Variants in CDH4 observed in about 807,000 individuals in gnomAD.
The protein encoded by CDH4 is cadherin 4.
CDH4 carries 33 observed loss-of-function variants against 86.0 expected under a neutral mutation model. The observed-to-expected ratio is 0.38, with a 90% CI of 0.29 to 0.51. CDH4 has a LOEUF of 0.51. Among genes scored for constraint, CDH4 ranks in the 20% least tolerant of loss-of-function variants. The pLI is 0.86. For synonymous variants in CDH4, 555 were observed against 549.4 expected (o/e 1.01, Z -0.14); for missense variants, 1,114 against 1,307.4 (o/e 0.85, Z 2.28).
chr20:61,666,456 A>G (rs1223003862), intron 2 of CDH4, among the ~76,000 whole-genome samples: 1 of 152,208 alleles, frequency 6.6e-6, no homozygotes, highest in Non-Finnish European at 1.5e-5. Flanking sequence ...ACAGGCATCA[A>G]TGCTATGACT....
At chr20:61,609,747 T>C (rs1179082915) in intron 2 of CDH4, among the ~76,000 whole-genome samples, 2 of 152,246 alleles carry the variant, frequency 1.3e-5, no homozygotes, top group African/African-American at 4.8e-5. Flanking sequence ...TCTGCACATG[T>C]GCGTCTCAGC....
intron 2 of CDH4, among the ~76,000 whole-genome samples, chr20:61,424,933 G>C (rs1325273381): frequency 1.3e-5 from 2 of 152,236 alleles, no homozygotes; most frequent in African/African-American, 2.4e-5. Flanking sequence ...GGTCCATCCG[G>C]AGCCAAATTT....
intron 2 of CDH4, among the ~76,000 whole-genome samples, chr20:61,545,967 T>TAC (rs1431890781): frequency 7.6e-5 from 8 of 105,576 alleles, no homozygotes; most frequent in South Asian, 3.4e-4. Flanking sequence ...TGTTCGTGTG[T>TAC]GTGTGTGTGT....
At position 61,518,703 on chromosome 20, in the gene CDH4, T is replaced by G. The variant is rs550337079; in HGVS notation, c.170-224860T>G. 6.6e-6 allele frequency among the ~76,000 whole-genome samples: 1 copy of G among 151,782 alleles called. No individual in the cohort carries two copies. Among genetic ancestry groups the G allele is most frequent in the African/African-American group, 2.4e-5 (1 of 41,326 alleles). On this transcript the variant is annotated intron_variant, in intron 2 of 15. Coordinates refer to ENST00000614565, the MANE Select transcript of CDH4 (RefSeq NM_001794.5). This position sits in a 1 kb window ranked among gnomAD's most constrained non-coding sequence, Gnocchi z 6.3. ...ATCCATCCTTCATCTACCTATCTGT[T>G]GTTCAATCATCCATCCGTTCATCCA...
chr20:61,270,271 A>T (rs535885754), intron 2 of CDH4, among the ~76,000 whole-genome samples: 2 of 152,348 alleles, frequency 1.3e-5, no homozygotes, highest in Non-Finnish European at 2.9e-5. Context: ...GGCAGCGATG[A>T]ACTGATGGGG....
rs371756416 is a variant in CDH4 at position 61,712,050 on chromosome 20, GCTGGAGAGAGGCTTGGAGGGAGA to G, written c.170-31508_170-31486del. Among the ~76,000 whole-genome samples, 629 of 151,726 alleles carry G rather than the reference GCTGGAGAGAGGCTTGGAGGGAGA, an allele frequency of 4.1e-3. 4 individuals carry two copies. Among genetic ancestry groups the G allele is most frequent in the African/African-American group, 0.015 (605 of 41,012 alleles). ...GCAGCCTTGGCCAGGAGAGAGGGAG[GCTGGAGAGAGGCTTGGAGGGAGA>G]CTGGGTCAGCCAGACATGGTGGTGC... On this transcript the variant is annotated intron_variant, in intron 2 of 15. Transcript: ENST00000614565.
chr20:61,277,538 G>T (rs1482494892), intron 2 of CDH4, among the ~76,000 whole-genome samples: 1 of 152,198 alleles, frequency 6.6e-6, no homozygotes, highest in African/African-American at 2.4e-5. Flanking sequence ...CCTCGTGGAG[G>T]GGGTGGCAGT....
At position 61,864,682 on chromosome 20, in the gene CDH4, C is replaced by T. The variant is rs557624780; in HGVS notation, c.878-9046C>T. 1.2e-4 allele frequency among the ~76,000 whole-genome samples: 18 copies of T among 152,326 alleles called. 1 individual carries two copies. The South Asian group carries it at 2.9e-3, about 25-fold the overall frequency. ...AGAGCCAAGCCCTTGCCAGCGCGGA[C>T]GGCGCCCATGAGAGGACCGAGGGGG... On this transcript the variant is annotated intron_variant, in intron 6 of 15. Coordinates refer to ENST00000614565, the MANE Select transcript of CDH4 (RefSeq NM_001794.5).
chr20:61,811,994 C>T lies in CDH4; in HGVS notation c.577-32674C>T, dbSNP rs191680078. Among the ~76,000 whole-genome samples the T allele has an allele frequency of 1.3e-3, 197 of 152,166 alleles. 1 individual carries two copies. Among genetic ancestry groups the T allele is most frequent in the African/African-American group, 4.5e-3 (187 of 41,506 alleles). ...GCCGCCTGCTGTCCTTCAGACTCCCCGCCTGGGCTTGGGTTTGAGGCCCTG... is the reference window on the plus strand; with the variant it reads ...GCCGCCTGCTGTCCTTCAGACTCCCTGCCTGGGCTTGGGTTTGAGGCCCTG... On this transcript the variant is annotated intron_variant, in intron 4 of 15. Coordinates refer to ENST00000614565, the MANE Select transcript of CDH4 (RefSeq NM_001794.5). This position sits in a 1 kb window ranked among gnomAD's most constrained non-coding sequence, Gnocchi z 4.4.
intron 2 of CDH4, among the ~76,000 whole-genome samples, chr20:61,686,946 C>T (rs138065917): frequency 6.6e-6 from 1 of 151,934 alleles, no homozygotes; most frequent in Non-Finnish European, 1.5e-5. Context: ...CCCCCGCCCC[C>T]CGACCCAGCA....
chr20:61,780,094 G>A (rs1027789075), intron 4 of CDH4, among the ~76,000 whole-genome samples: 2 of 152,168 alleles, frequency 1.3e-5, no homozygotes, highest in Non-Finnish European at 2.9e-5. Flanking sequence ...ACTGTCCTTG[G>A]GAGATGGCCT....
chr20:61,813,370 C>A (rs1216476450), intron 4 of CDH4, among the ~76,000 whole-genome samples: 3 of 152,164 alleles, frequency 2.0e-5, no homozygotes, highest in Non-Finnish European at 4.4e-5. Context: ...CTCAACCTGC[C>A]CCTCCCCAGT....
intron 2 of CDH4, among the ~76,000 whole-genome samples, chr20:61,523,404 C>T (rs1322290546): frequency 2.0e-5 from 3 of 152,260 alleles, no homozygotes; most frequent in Non-Finnish European, 4.4e-5. Flanking sequence ...GCTCCTCGCA[C>T]GCACAGACAC....
intron 2 of CDH4, among the ~76,000 whole-genome samples, chr20:61,702,908 C>T (rs960556589): frequency 1.3e-5 from 2 of 152,228 alleles, no homozygotes; most frequent in African/African-American, 4.8e-5. Flanking sequence ...TGTGTGACAA[C>T]CCGCTTTTTA....
chr20:61,431,091 A>G (rs2085243748), intron 2 of CDH4, among the ~76,000 whole-genome samples: 1 of 152,216 alleles, frequency 6.6e-6, no homozygotes, highest in Non-Finnish European at 1.5e-5. Flanking sequence ...TGTGTATGCA[A>G]AGAAACACAG....
At chr20:61,487,046 T>C (rs951940128) in intron 2 of CDH4, among the ~76,000 whole-genome samples, 1 of 152,196 alleles carries the variant, frequency 6.6e-6, no homozygotes, top group Admixed American at 6.5e-5. Context: ...TTTTCTCCTA[T>C]GTTATCTTCC....
chr20:61,348,788 T>G (rs1433098481), intron 2 of CDH4, among the ~76,000 whole-genome samples: 1 of 152,224 alleles, frequency 6.6e-6, no homozygotes, highest in Non-Finnish European at 1.5e-5. Flanking sequence ...TTCCTGGCTT[T>G]GAAATAAACC....
At chr20:61,474,475 G>T (rs1290012206) in intron 2 of CDH4, among the ~76,000 whole-genome samples, 2 of 151,770 alleles carry the variant, frequency 1.3e-5, no homozygotes, top group African/African-American at 4.8e-5. Flanking sequence ...GCACCGGCCA[G>T]AATAGTACAT....
chr20:61,328,248 T>C (rs970143703), intron 2 of CDH4, among the ~76,000 whole-genome samples: 33 of 152,248 alleles, frequency 2.2e-4, no homozygotes, highest in African/African-American at 7.0e-4. Flanking sequence ...CAATCTCGGC[T>C]CACTGCAACC....
Sources: allele counts gnomAD v4.1 joint callset (sites outside exome capture counted in the v4.1 genomes callset), GRCh38; gene constraint gnomAD v4.1.1; non-coding constraint Gnocchi (gnomAD v3.1); transcripts MANE v1.5; gene names NCBI Gene and HGNC (gene_info 2026-07-23, HGNC 2026-07-21).